PBX1: variants seen among roughly 807,000 people sequenced by gnomAD.
PBX1 encodes pre-B-cell leukemia transcription factor 1.
PBX1 carries 6 observed loss-of-function variants against 53.4 expected under a neutral mutation model. That is an observed-to-expected ratio of 0.11 (90% confidence interval 0.06 to 0.22). PBX1 has a LOEUF of 0.22. PBX1 is among the 10% of genes least tolerant of loss of function. PBX1 has a pLI of 1.00. For synonymous variants in PBX1, 204 were observed against 212.3 expected (o/e 0.96, Z 0.34); for missense variants, 251 against 551.4 (o/e 0.46, Z 5.46).
chr1:164,640,007 A>G (rs541530995), intron 2 of PBX1, among the ~76,000 whole-genome samples: 1 of 152,224 alleles, frequency 6.6e-6, no homozygotes, highest in South Asian at 2.1e-4. Context: ...GCCTGATGGT[A>G]TAGACGAAGC....
chr1:164,686,820 G>A (rs892166836), intron 2 of PBX1, among the ~76,000 whole-genome samples: 3 of 152,068 alleles, frequency 2.0e-5, no homozygotes, highest in African/African-American at 7.2e-5. Flanking sequence ...AGCCGGGTGT[G>A]GTGGCGGGCG....
chr1:164,714,304 A>G (rs1279591727), intron 2 of PBX1, among the ~76,000 whole-genome samples: 2 of 152,234 alleles, frequency 1.3e-5, no homozygotes, highest in Non-Finnish European at 2.9e-5. Context: ...CTCATTGTCT[A>G]TTAAACCTTT....
intron 2 of PBX1, among the ~76,000 whole-genome samples, chr1:164,869,721 A>T (rs1465282972): frequency 1.3e-5 from 2 of 152,276 alleles, no homozygotes; most frequent in Admixed American, 6.5e-5. Flanking sequence ...GAAAAATATC[A>T]GCAGAGAAGA....
chr1:164,816,644 G>A (rs546315654), intron 6 of PBX1: 3 of 152,174 alleles, frequency 2.0e-5, no homozygotes, highest in African/African-American at 7.2e-5. Flanking sequence ...GTTGTTATTG[G>A]CATCTATTGG....
intron 2 of PBX1, among the ~76,000 whole-genome samples, chr1:164,874,588 G>A (rs2102458307): frequency 6.6e-6 from 1 of 152,236 alleles, no homozygotes; most frequent in Admixed American, 6.5e-5. Context: ...TCCGCCTCCT[G>A]GGTTCAAGCG....
intron 2 of PBX1, among the ~76,000 whole-genome samples, chr1:164,761,868 A>C (rs1666835097): frequency 6.6e-6 from 1 of 152,156 alleles, no homozygotes; most frequent in Admixed American, 6.5e-5. Context: ...ATGATCACTA[A>C]GTGTTGGGCA....
At chr1:164,771,978 C>T (rs1021834665) in intron 2 of PBX1, among the ~76,000 whole-genome samples, 19 of 152,280 alleles carry the variant, frequency 1.2e-4, no homozygotes, top group African/African-American at 4.6e-4. Context: ...GAAGATAGAG[C>T]TGAATTCAAG....
In PBX1 at chr1:164,668,332, T is replaced by A. The variant is rs756345375; in HGVS notation, c.265+105021T>A. ...CCACCAGACCCGATTGTGTCTTGAT[T>A]TGGGGCGGTGGTTCGACTTTGAGGG... On this transcript the variant is annotated intron_variant, in intron 2 of 8. Transcript: ENST00000420696. Among the ~76,000 whole-genome samples, 21 of 152,180 alleles carry A rather than the reference T, an allele frequency of 1.4e-4. 1 individual carries two copies. Among genetic ancestry groups the A allele is most frequent in the Non-Finnish European group, 2.8e-4 (19 of 68,036 alleles).
chr1:164,569,236 T>C (rs1653659977), intron 2 of PBX1, among the ~76,000 whole-genome samples: 1 of 152,208 alleles, frequency 6.6e-6, no homozygotes, highest in Admixed American at 6.5e-5. Flanking sequence ...CTAGATCTTT[T>C]ACTTCTTAAC....
intron 6 of PBX1, chr1:164,819,841 T>G: frequency 2.4e-6 from 1 of 415,830 alleles, no homozygotes; most frequent in Non-Finnish European, 4.3e-6. Flanking sequence ...GGGGAAGCAG[T>G]TCTATTGACA....
At chr1:164,707,532 C>T (rs1026627990) in intron 2 of PBX1, among the ~76,000 whole-genome samples, 15 of 152,094 alleles carry the variant, frequency 9.9e-5, no homozygotes, top group African/African-American at 3.4e-4. Context: ...TATGAATTCA[C>T]TCCAGCTACA....
At chr1:164,845,841 T>TA (rs905860209) in intron 8 of PBX1, among the ~76,000 whole-genome samples, 34 of 152,142 alleles carry the variant, frequency 2.2e-4, no homozygotes, top group African/African-American at 8.0e-4. Flanking sequence ...TTGTATCTGT[T>TA]ATAGTCACCT....
chr1:164,802,073 A>C (rs1449116700), intron 4 of PBX1, among the ~76,000 whole-genome samples: 1 of 152,226 alleles, frequency 6.6e-6, no homozygotes. Context: ...ATGGAAGACA[A>C]ATAAAATACA....
At chr1:164,563,808 T>C (rs1653237827) in intron 2 of PBX1, 1 of 153,422 alleles carries the variant, frequency 6.5e-6, no homozygotes, top group African/African-American at 2.4e-5. Context: ...TGGAATGCGC[T>C]ATACAACATT....
chr1:164,637,162 A>G (rs1207229673), intron 2 of PBX1, among the ~76,000 whole-genome samples: 1 of 152,182 alleles, frequency 6.6e-6, no homozygotes, highest in African/African-American at 2.4e-5. Flanking sequence ...CACTGAATTC[A>G]GACTATACTT....
chr1:164,659,254 G>A (rs1660347625), intron 2 of PBX1, among the ~76,000 whole-genome samples: 1 of 152,192 alleles, frequency 6.6e-6, no homozygotes, highest in Non-Finnish European at 1.5e-5. Context: ...TCACATCTCA[G>A]CTGGAGAGGG....
intron 2 of PBX1, among the ~76,000 whole-genome samples, chr1:164,580,514 A>C (rs966074343): frequency 6.6e-6 from 1 of 152,028 alleles, no homozygotes; most frequent in Admixed American, 6.5e-5. Context: ...TCCTGACCTC[A>C]AGTGATCCAC....
intron 2 of PBX1, among the ~76,000 whole-genome samples, chr1:164,688,347 C>T (rs1168730264): frequency 6.6e-6 from 1 of 152,156 alleles, no homozygotes; most frequent in African/African-American, 2.4e-5. Context: ...GAGTACAGAT[C>T]AATTACAACT....
intron 2 of PBX1, among the ~76,000 whole-genome samples, chr1:164,699,619 G>C (rs1662993459): frequency 6.6e-6 from 1 of 152,168 alleles, no homozygotes; most frequent in African/African-American, 2.4e-5. Flanking sequence ...AAGATGAAAG[G>C]GGGAGGTGGT....
Sources: allele counts gnomAD v4.1 joint callset (sites outside exome capture counted in the v4.1 genomes callset), GRCh38; gene constraint gnomAD v4.1.1; transcripts MANE v1.5; gene names NCBI Gene and HGNC (gene_info 2026-07-23, HGNC 2026-07-21).